The following ARHGAP26 variants were observed in gnomAD, a reference collection of about 807,000 sequenced individuals.
ARHGAP26 encodes the protein Rho GTPase activating protein 26.
Under a neutral mutation model 104.8 loss-of-function variants are expected in ARHGAP26, and 38 were observed. That is an observed-to-expected ratio of 0.36 (90% CI 0.28 to 0.48). The LOEUF is 0.48. Among genes scored for constraint, ARHGAP26 ranks in the 20% least tolerant of loss-of-function variants. The pLI is 0.99. For synonymous variants in ARHGAP26, 341 were observed against 340.0 expected (o/e 1.00, Z -0.03); for missense variants, 704 against 947.9 (o/e 0.74, Z 3.38).
chr5:142,994,224 A>G (rs981072411), intron 11 of ARHGAP26, among the ~76,000 whole-genome samples: 2 of 152,234 alleles, frequency 1.3e-5, no homozygotes, highest in Non-Finnish European at 2.9e-5. Context: ...TAGGTAGGGC[A>G]TTGAAGGATG....
chr5:143,149,037 T>C (rs1307991253), intron 20 of ARHGAP26, among the ~76,000 whole-genome samples: 1 of 151,410 alleles, frequency 6.6e-6, no homozygotes, highest in Non-Finnish European at 1.5e-5. Flanking sequence ...AAAGGGGAGG[T>C]GTGTCTTTTA....
rs1385929351 is a variant in ARHGAP26 at position 142,907,708 on chromosome 5, C to T, written c.837C>T (p.His279=). 1 of 1,599,590 alleles carries T rather than the reference C, an allele frequency of 6.3e-7. No individual in the cohort carries two copies. Among genetic ancestry groups the T allele is most frequent in the Non-Finnish European group, 8.5e-7 (1 of 1,170,346 alleles). Residue 279 remains histidine, a synonymous_variant, in exon 9 of 23, where the codon CAC becomes CAT. Transcript: ENST00000645722. ...ATGGGAAATATTACCTTTCAGGTCA[C>T]TTTGGAACTTCTTGGGTGAAGCACT... ...EGYLYVQEKR[H]FGTSWVKHYC...
At chr5:142,996,527 T>G (rs1019107411) in intron 11 of ARHGAP26, among the ~76,000 whole-genome samples, 1 of 152,130 alleles carries the variant, frequency 6.6e-6, no homozygotes, top group Non-Finnish European at 1.5e-5. Flanking sequence ...GGTTTTTGTG[T>G]GCATATGTGT....
chr5:142,981,886 G>C (rs553907305), intron 11 of ARHGAP26, among the ~76,000 whole-genome samples: 16 of 152,278 alleles, frequency 1.1e-4, no homozygotes, highest in Middle Eastern at 3.4e-3. Flanking sequence ...TCAGTGAAAG[G>C]CTTCCATTTT....
At chr5:143,140,791 G>T (rs566873577) in intron 19 of ARHGAP26, among the ~76,000 whole-genome samples, 1 of 152,270 alleles carries the variant, frequency 6.6e-6, no homozygotes, top group East Asian at 1.9e-4. Context: ...GTTTTACATG[G>T]ATCATGTTAA....
chr5:142,959,604 C>G (rs1769861490), intron 11 of ARHGAP26, among the ~76,000 whole-genome samples: 1 of 152,112 alleles, frequency 6.6e-6, no homozygotes, highest in African/African-American at 2.4e-5. Flanking sequence ...ATGTTCAAGC[C>G]AAGGCCAGCA....
chr5:142,893,824 C>T (rs1270928411), intron 5 of ARHGAP26, among the ~76,000 whole-genome samples: 1 of 152,044 alleles, frequency 6.6e-6, no homozygotes, highest in Non-Finnish European at 1.5e-5. Context: ...ACTTTCATTT[C>T]CCTGATAATT....
chr5:143,162,284 T>TACACAC (rs34577770), intron 20 of ARHGAP26, among the ~76,000 whole-genome samples: 18,154 of 147,204 alleles, frequency 0.12, 1,183 homozygotes, highest in Middle Eastern at 0.15. Context: ...AACACACACA[T>TACACAC]ACACACACAC....
intron 11 of ARHGAP26, among the ~76,000 whole-genome samples, chr5:142,941,786 T>C (rs1766393029): frequency 6.6e-6 from 1 of 152,214 alleles, no homozygotes; most frequent in South Asian, 2.1e-4. Context: ...TCAGTTAAAA[T>C]TGTTTTATGT....
At chr5:142,974,849 G>A (rs745689626) in intron 11 of ARHGAP26, among the ~76,000 whole-genome samples, 10 of 152,090 alleles carry the variant, frequency 6.6e-5, no homozygotes, top group Non-Finnish European at 1.2e-4. Context: ...CCCTCAGGCC[G>A]TGTTATTTTC....
In ARHGAP26 at chr5:143,054,538, C is replaced by G; in HGVS notation, c.1373+12C>G. 6.3e-7 allele frequency: 1 copy of G among 1,586,196 alleles called. No homozygotes were observed. The highest frequency in any genetic ancestry group is 8.6e-7 in the Non-Finnish European group (1 of 1,160,360). On this transcript the variant is annotated intron_variant, in intron 15 of 22. Transcript: ENST00000645722. Reference sequence around the variant, plus strand: ...AAGACCTACCTAAGGTAGGGACTTTCCATTTGCAAGGCAGAGTGCCAGCTA... The same window carrying G: ...AAGACCTACCTAAGGTAGGGACTTTGCATTTGCAAGGCAGAGTGCCAGCTA...
intron 20 of ARHGAP26, among the ~76,000 whole-genome samples, chr5:143,205,566 G>A (rs1168970578): frequency 2.0e-5 from 3 of 152,212 alleles, no homozygotes; most frequent in Admixed American, 6.5e-5. Flanking sequence ...CTAATGCTAT[G>A]ACTGAGTCTG....
At position 142,985,180 on chromosome 5, in the gene ARHGAP26, A is replaced by G. The variant is rs139506787; in HGVS notation, c.1108-28900A>G. Among the ~76,000 whole-genome samples the G allele has an allele frequency of 8.2e-3, 1,246 of 152,306 alleles. 8 individuals are homozygous for G. Among genetic ancestry groups the G allele is most frequent in the African/African-American group, 0.029 (1,195 of 41,564 alleles). On this transcript the variant is annotated intron_variant, in intron 11 of 22. Coordinates refer to ENST00000645722, the MANE Select transcript of ARHGAP26 (RefSeq NM_001135608.3). ...AATAATAATAATAAATACAAAAAAA[A>G]CTTGTTGAATAAGGAAAAAATACTT...
intron 1 of ARHGAP26, among the ~76,000 whole-genome samples, chr5:142,855,625 A>G (rs1225553218): frequency 3.9e-5 from 6 of 152,122 alleles, no homozygotes; most frequent in African/African-American, 9.7e-5. Context: ...CCTTCCTTCT[A>G]TCCATCCTCA....
chr5:143,212,969 C>G (rs1809747097), intron 21 of ARHGAP26, among the ~76,000 whole-genome samples: 1 of 152,142 alleles, frequency 6.6e-6, no homozygotes, highest in South Asian at 2.1e-4. Flanking sequence ...CACGGTGAAA[C>G]CCTGTCTCTA....
rs1344098744 is a variant in ARHGAP26 at position 143,108,578 on chromosome 5, TG to T, written c.1539-12409del. On this transcript the variant is annotated intron_variant, in intron 17 of 22. Transcript: ENST00000645722. ...AACGTTTTCAACTTCAGCCTCCCAGTGTTTTTTCAGACTTATGGCAGGGAAT... is the reference window on the plus strand; with the variant it reads ...AACGTTTTCAACTTCAGCCTCCCAGTTTTTTTCAGACTTATGGCAGGGAAT... 2.0e-5 allele frequency among the ~76,000 whole-genome samples: 3 copies of T among 152,062 alleles called. No individual in the cohort carries two copies. In the East Asian group the frequency reaches 5.8e-4, roughly 29 times the overall value.
At position 143,133,991 on chromosome 5, in the gene ARHGAP26, C is replaced by A. The variant is rs1332646086; in HGVS notation, c.1723C>A (p.Pro575Thr). The A allele has an allele frequency of 6.2e-7, 1 of 1,612,232 alleles. No homozygotes were observed. The highest frequency in any genetic ancestry group is 8.5e-7 in the Non-Finnish European group (1 of 1,179,036). Reference sequence around the variant, plus strand: ...GATATTTAACACCGTGCCCGATATGCCTCTCACCAATGCCCAGCTGCACCT... The same window carrying A: ...GATATTTAACACCGTGCCCGATATGACTCTCACCAATGCCCAGCTGCACCT... ...EKIFNTVPDM[P>T]LTNAQLHLSR... The change falls in exon 19 of 23, where the codon CCT becomes ACT. Residue 575 changes from proline to threonine, a missense_variant. By Grantham distance (38) the Pro-to-Thr change is conservative. Transcript: ENST00000645722.
intron 1 of ARHGAP26, among the ~76,000 whole-genome samples, chr5:142,858,744 A>G (rs1484475828): frequency 6.6e-6 from 1 of 152,134 alleles, no homozygotes; most frequent in African/African-American, 2.4e-5. Context: ...ACACTCAAAG[A>G]GATTACCAAT....
At chr5:142,866,584 T>C (rs1376782230) in intron 1 of ARHGAP26, among the ~76,000 whole-genome samples, 1 of 152,196 alleles carries the variant, frequency 6.6e-6, no homozygotes, top group African/African-American at 2.4e-5. Flanking sequence ...TTCATCTAAA[T>C]AGAATTAGAA....
Sources: gnomAD v4.1 joint callset for allele counts (sites outside exome capture counted in the v4.1 genomes callset) on GRCh38, gnomAD v4.1.1 for gene constraint, MANE v1.5 for transcripts, NCBI Gene and HGNC (gene_info 2026-07-23, HGNC 2026-07-21) for gene names.